PKHD1: variants seen among roughly 807,000 people sequenced by gnomAD.
PKHD1 encodes PKHD1 ciliary IPT domain containing fibrocystin/polyductin, also known as fibrocystin.
In PKHD1, 291 loss-of-function variants were observed where a neutral mutation model predicts 412.0. That is an observed-to-expected ratio of 0.71 (90% confidence interval 0.64 to 0.78). PKHD1 has a LOEUF of 0.78. Ranked by LOEUF, PKHD1 falls within the 30% of genes least tolerant of loss-of-function variation. PKHD1 has a pLI of 0.00. For missense variants in PKHD1, 4,825 were observed against 4,950.7 expected (o/e 0.97, Z 0.76); for synonymous variants, 1,777 against 1,821.5 (o/e 0.98, Z 0.62).
intron 65 of PKHD1, among the ~76,000 whole-genome samples, chr6:51,631,612 C>G (rs1767925857): frequency 1.3e-5 from 2 of 152,026 alleles, no homozygotes; most frequent in Admixed American, 1.3e-4. Flanking sequence ...GTAGAGCCTC[C>G]TAGTAAGACA....
intron 53 of PKHD1, among the ~76,000 whole-genome samples, chr6:51,789,044 T>C (rs747667828): frequency 1.3e-5 from 2 of 152,170 alleles, no homozygotes; most frequent in Non-Finnish European, 2.9e-5. Context: ...TCTCACTCTG[T>C]TCAGAATAGT....
intron 43 of PKHD1, among the ~76,000 whole-genome samples, chr6:51,893,157 C>T (rs1002081603): frequency 2.0e-5 from 3 of 152,212 alleles, no homozygotes; most frequent in African/African-American, 7.2e-5. Flanking sequence ...GATCATCTCA[C>T]TTGTCCACAC....
chr6:51,627,153 A>T (rs1223404689), intron 65 of PKHD1, 37 bp from the exon 66 acceptor site: 1 of 1,601,926 alleles, frequency 6.2e-7, no homozygotes, highest in Non-Finnish European at 8.5e-7. Flanking sequence ...TTTTTTGTTC[A>T]GTTGTAAGTG....
chr6:51,728,408 T>G (rs1409939151), intron 60 of PKHD1, among the ~76,000 whole-genome samples: 1 of 152,196 alleles, frequency 6.6e-6, no homozygotes, highest in Admixed American at 6.5e-5. Context: ...TGGAATTGAA[T>G]AGGGGAACTG....
At chr6:51,923,181 G>A (rs756802218) in intron 37 of PKHD1, among the ~76,000 whole-genome samples, 3 of 152,124 alleles carry the variant, frequency 2.0e-5, no homozygotes, top group Middle Eastern at 3.2e-3. Context: ...AATAAATAGT[G>A]CTGTGAAAAT....
Position 52,012,096 on chromosome 6 carries a change from G to A in PKHD1, c.5601-1637C>T, listed in dbSNP as rs1001411368. Among the ~76,000 whole-genome samples the A allele has an allele frequency of 4.0e-4, 61 of 152,324 alleles. 1 individual carries two copies. Among genetic ancestry groups the A allele is most frequent in the African/African-American group, 1.4e-3 (59 of 41,582 alleles). ...CTTAGGCTCAGAAGCAGATCAGCTGGATCTGAATCCCGGGGCAGATGGTTA... is the reference window on the plus strand; with the variant it reads ...CTTAGGCTCAGAAGCAGATCAGCTGAATCTGAATCCCGGGGCAGATGGTTA... On this transcript the variant is annotated intron_variant, in intron 34 of 66. Coordinates refer to ENST00000371117, the MANE Select transcript of PKHD1 (RefSeq NM_138694.4).
chr6:51,629,014 T>C (rs1576274), intron 65 of PKHD1, among the ~76,000 whole-genome samples: 152,018 of 152,326 alleles, frequency 1, 75,857 homozygotes, highest in Middle Eastern at 1. Flanking sequence ...TAGCCATATG[T>C]AGAAGAATGA....
chr6:51,715,802 T>C (rs527947771), intron 60 of PKHD1, among the ~76,000 whole-genome samples: 5 of 152,330 alleles, frequency 3.3e-5, no homozygotes, highest in East Asian at 1.9e-4. Context: ...TGTTTGTTCA[T>C]GTTTTTGTAA....
intron 35 of PKHD1, among the ~76,000 whole-genome samples, chr6:51,981,372 T>C (rs1484291220): frequency 2.1e-3 from 207 of 99,486 alleles, no homozygotes; most frequent in Middle Eastern, 4.7e-3. Flanking sequence ...TCCCTCTCCC[T>C]CCACGGTCTC....
intron 35 of PKHD1, among the ~76,000 whole-genome samples, chr6:52,000,816 T>C (rs1798283272): frequency 6.6e-6 from 1 of 152,192 alleles, no homozygotes; most frequent in Admixed American, 6.5e-5. Flanking sequence ...AACCACAGCC[T>C]TATTTACTGA....
chr6:51,925,541 T>C (rs1360076027), intron 37 of PKHD1, among the ~76,000 whole-genome samples: 1 of 152,092 alleles, frequency 6.6e-6, no homozygotes, highest in Non-Finnish European at 1.5e-5. Context: ...ATTGCCTTCC[T>C]TAATGTAGAT....
At chr6:51,824,812 T>C (rs1024851111) in intron 52 of PKHD1, among the ~76,000 whole-genome samples, 5 of 152,182 alleles carry the variant, frequency 3.3e-5, no homozygotes, top group Non-Finnish European at 4.4e-5. Flanking sequence ...TGGTCACACA[T>C]GTAAAGATTT....
intron 33 of PKHD1, among the ~76,000 whole-genome samples, chr6:52,018,859 C>A (rs1371605733): frequency 1.3e-5 from 2 of 152,204 alleles, no homozygotes; most frequent in African/African-American, 4.8e-5. Flanking sequence ...CATGTTTTCT[C>A]TTCTGTGAAA....
rs1231921815 is a variant in PKHD1, at chr6:52,010,431, T to C, written c.5629A>G (p.Ile1877Val). 6.2e-7 allele frequency: 1 copy of C among 1,607,946 alleles called. No homozygotes were observed. The highest frequency in any genetic ancestry group is 8.5e-7 in the Non-Finnish European group (1 of 1,174,430). Residue 1877 changes from isoleucine (I) to valine (V), a missense_variant, in exon 35 of 67, where the codon ATC becomes GTC. Coordinates refer to ENST00000371117, the MANE Select transcript of PKHD1 (RefSeq NM_138694.4). ...GTAATGTTACAGGAGCTATTATAGA[T>C]GAGAACTTCATCTCTTTCCAATTTA... is the stretch of plus-strand genomic sequence containing the variant. ...SPKLERDEVL[I>V]YNSSCNITME...
chr6:51,836,468 A>C lies in PKHD1; in HGVS notation c.8109T>G (p.Val2703=). Residue 2703 remains valine, a splice_region_variant and synonymous_variant, in exon 51 of 67, where the codon GTT becomes GTG. Coordinates refer to ENST00000371117, the MANE Select transcript of PKHD1 (RefSeq NM_138694.4). The part of the protein sequence containing the change: ...NSQLRQLTYL[V]SGEGQVQVIL... The stretch of plus-strand genomic sequence containing the variant: ...TGACTTGAACTTGGCCTTCACCTGA[A>C]ACTAAATACCAAAAGCCACAACTTG... The C allele has an allele frequency of 6.2e-7, 1 of 1,610,252 alleles. No individual in the cohort carries two copies. The highest frequency in any genetic ancestry group is 8.5e-7 in the Non-Finnish European group (1 of 1,176,534).
At position 52,058,554 on chromosome 6, in the gene PKHD1, G is replaced by A. The variant is rs760115009; in HGVS notation, c.1281C>T (p.Ser427=). 3 of 1,614,154 alleles carry A rather than the reference G, an allele frequency of 1.9e-6. No individual in the cohort carries two copies. In the East Asian group the frequency reaches 6.7e-5, roughly 36 times the overall value. Residue 427 remains serine, a synonymous_variant, in exon 16 of 67, where the codon TCC becomes TCT. Transcript: ENST00000371117. The part of the protein sequence containing the change: ...ISVGTADWFD[S]WEQNRDEGTW... ...TCCCTTCATCCCTATTCTGCTCCCA[G>A]GAGTCAAACCAGTCAGCAGTGCCGA... is the stretch of plus-strand genomic sequence containing the variant.
At chr6:51,661,077 G>A (rs1403213243) in intron 60 of PKHD1, among the ~76,000 whole-genome samples, 1 of 152,032 alleles carries the variant, frequency 6.6e-6, no homozygotes, top group Non-Finnish European at 1.5e-5. Context: ...AAATTCCAAG[G>A]GATTTAGGAA....
intron 60 of PKHD1, chr6:51,722,022 T>C (rs780404681): frequency 6.2e-7 from 1 of 1,613,668 alleles, no homozygotes; most frequent in South Asian, 1.1e-5. Context: ...CAGTGGTTAC[T>C]GAAGTAAACA....
intron 35 of PKHD1, among the ~76,000 whole-genome samples, chr6:51,982,853 A>AT (rs1795692212): frequency 1.6e-5 from 2 of 121,732 alleles, no homozygotes; most frequent in Non-Finnish European, 3.6e-5. Context: ...AAATAAAAAA[A>AT]TAAAAATAAA....
Sources: gnomAD v4.1 joint callset for allele counts (sites outside exome capture counted in the v4.1 genomes callset) on GRCh38, gnomAD v4.1.1 for gene constraint, MANE v1.5 for transcripts, NCBI Gene and HGNC (gene_info 2026-07-23, HGNC 2026-07-21) for gene names.